The following YAF2 variants were observed in gnomAD, a reference collection of about 807,000 sequenced individuals.
YAF2 encodes the protein YY1-associated factor 2.
In YAF2, 7 loss-of-function variants were observed where a neutral mutation model predicts 20.1. The ratio of observed to expected loss-of-function variants is 0.35; its 90% CI spans 0.20 to 0.65. YAF2 has a LOEUF of 0.65. Ranked by LOEUF, YAF2 falls within the 30% of genes least tolerant of loss-of-function variation. YAF2 has a pLI of 0.69. For missense variants in YAF2, 151 were observed against 219.2 expected (o/e 0.69, Z 1.96); for synonymous variants, 74 against 76.0 (o/e 0.97, Z 0.14).
chr12:42,208,980 TAGAAATAGAAC>T (rs2067129307), intron 2 of YAF2, among the ~76,000 whole-genome samples: 1 of 152,268 alleles, frequency 6.6e-6, no homozygotes, highest in East Asian at 1.9e-4. Context: ...AATGCCTTTT[TAGAAATAGAAC>T]CTAGTAATAA....
chr12:42,196,582 AATAAG>A (rs1188683623), intron 2 of YAF2, among the ~76,000 whole-genome samples: 1 of 152,222 alleles, frequency 6.6e-6, no homozygotes, highest in Non-Finnish European at 1.5e-5. Flanking sequence ...ACAGAGACTA[AATAAG>A]TAATAAAAAG....
intron 2 of YAF2, chr12:42,212,322 T>G: frequency 4.5e-6 from 1 of 222,096 alleles, no homozygotes; most frequent in Non-Finnish European, 9.2e-6. Flanking sequence ...TCAATATATA[T>G]TCATCATATT....
chr12:42,216,040 A>AT (rs1442100252), intron 2 of YAF2, among the ~76,000 whole-genome samples: 7 of 152,202 alleles, frequency 4.6e-5, no homozygotes, highest in East Asian at 3.9e-4. Context: ...ATGTTTTGGG[A>AT]TTTTTTGTTG....
At chr12:42,215,480 G>A (rs1201136060) in intron 2 of YAF2, among the ~76,000 whole-genome samples, 6 of 152,178 alleles carry the variant, frequency 3.9e-5, no homozygotes, top group Non-Finnish European at 8.8e-5. Context: ...AACAAATGAA[G>A]TTTTAAAATA....
At chr12:42,200,744 TGAACTTTTCC>T (rs1311440238) in intron 2 of YAF2, among the ~76,000 whole-genome samples, 2 of 152,176 alleles carry the variant, frequency 1.3e-5, no homozygotes, top group East Asian at 3.9e-4. Flanking sequence ...CATTCTGAAA[TGAACTTTTCC>T]TTATATTTAT....
rs1470748960 is a variant in YAF2 at position 42,237,590 on chromosome 12, G to A, written c.152+9C>T. On this transcript the variant is annotated intron_variant, in intron 2 of 3. Transcript: ENST00000534854. ...GGCCGGCGGCGCGAGGGGCAGGCCC[G>A]GGACTCACCGGGTGGAGGTGCCCTT... 4 of 1,530,416 alleles carry A rather than the reference G, an allele frequency of 2.6e-6. No homozygotes were observed. The highest frequency in any genetic ancestry group is 3.5e-6 in the Non-Finnish European group (4 of 1,137,560). The allele number at this position is 1,530,416 out of a possible 1,614,324, so 94.8% of individuals were successfully genotyped here. A position where few individuals can be genotyped will look rare whatever the true frequency, so the allele number is the denominator to read the frequency against.
chr12:42,234,150 G>A lies in YAF2; in HGVS notation c.152+3449C>T, dbSNP rs1251924973. The A allele has an allele frequency of 2.4e-5, 23 of 942,512 alleles. No homozygotes were observed. In the South Asian group the frequency reaches 5.4e-4, roughly 22 times the overall value. The allele number at this position is 942,512 out of a possible 1,614,324, so 58.4% of individuals were successfully genotyped here. On this transcript the variant is annotated intron_variant, in intron 2 of 3. Transcript: ENST00000534854. The stretch of plus-strand genomic sequence containing the variant: ...CACGCCACTGTACTCCAGCCTGGGC[G>A]ACAGAGCAAGACTGTCTCAAATTCT...
chr12:42,179,938 A>G (rs949300299), intron 2 of YAF2, among the ~76,000 whole-genome samples: 2 of 152,208 alleles, frequency 1.3e-5, no homozygotes, highest in African/African-American at 2.4e-5. Flanking sequence ...TTTAGCTAAA[A>G]TAAGTCTTTT....
intron 2 of YAF2, among the ~76,000 whole-genome samples, chr12:42,228,776 C>A (rs1485456941): frequency 8.0e-5 from 4 of 49,694 alleles, no homozygotes; most frequent in Non-Finnish European, 1.0e-4. Flanking sequence ...CCGCCCCGTC[C>A]GGGAGGGAGG....
chr12:42,236,295 A>G (rs1039298773), intron 2 of YAF2, among the ~76,000 whole-genome samples: 1 of 152,258 alleles, frequency 6.6e-6, no homozygotes, highest in African/African-American at 2.4e-5. Context: ...CACGGGTCCA[A>G]AAATAGTAAC....
chr12:42,170,240 T>C (rs2066013044), intron 2 of YAF2, among the ~76,000 whole-genome samples: 1 of 152,190 alleles, frequency 6.6e-6, no homozygotes, highest in Admixed American at 6.5e-5. Context: ...TGCAAGCTCC[T>C]GAAGGATTGT....
rs141305278 is a variant in YAF2 at position 42,157,779 on chromosome 12, C to CATATATATATAT, written c.*2798_*2809dup. The CATATATATATAT allele has an allele frequency of 2.0e-5, 3 of 149,870 alleles. No individual in the cohort carries two copies. Among genetic ancestry groups the CATATATATATAT allele is most frequent in the African/African-American group, 7.4e-5 (3 of 40,754 alleles). 9.3% of individuals were successfully genotyped at this position (149,870 alleles called of 1,614,324 possible). A position where few individuals can be genotyped will look rare whatever the true frequency, so the allele number is the denominator to read the frequency against. On this transcript the variant is annotated 3_prime_UTR_variant, in exon 4 of 4. Transcript: ENST00000534854. The stretch of plus-strand genomic sequence containing the variant: ...AAATTATATTCACTTTTTAAATATA[C>CATATATATATAT]ATATATATATATATGTATATTCAAA...
At chr12:42,208,728 C>T (rs2067122366) in intron 2 of YAF2, among the ~76,000 whole-genome samples, 2 of 152,108 alleles carry the variant, frequency 1.3e-5, no homozygotes, top group African/African-American at 4.8e-5. Context: ...TAAGACTTGC[C>T]TCAACTCTAA....
In YAF2 at chr12:42,161,602, T is replaced by C. The variant is rs111382074; in HGVS notation, c.305+11A>G. On this transcript the variant is annotated intron_variant, in intron 3 of 3. Coordinates refer to ENST00000534854, the MANE Select transcript of YAF2 (RefSeq NM_005748.6). ...ATTTCAAAAATGTCATAAAACACTC[T>C]TCACATTTACCTGGTTTTCTTATGG... 4 of 1,570,558 alleles carry C rather than the reference T, an allele frequency of 2.5e-6. No homozygotes were observed. In the East Asian group the frequency reaches 6.8e-5, roughly 27 times the overall value.
At chr12:42,227,851 G>A (rs2067789097) in intron 2 of YAF2, among the ~76,000 whole-genome samples, 1 of 137,060 alleles carries the variant, frequency 7.3e-6, no homozygotes, top group African/African-American at 2.8e-5. Context: ...AGGTGGGGGG[G>A]TCAGCCCCCC....
chr12:42,229,806 C>T (rs1199652902), intron 2 of YAF2, among the ~76,000 whole-genome samples: 1 of 152,150 alleles, frequency 6.6e-6, no homozygotes, highest in African/African-American at 2.4e-5. Flanking sequence ...GTATTTGTAT[C>T]TAAACATAGA....
intron 2 of YAF2, chr12:42,235,112 C>A (rs1231448952): frequency 3.0e-6 from 3 of 985,742 alleles, no homozygotes; most frequent in African/African-American, 1.7e-5. Context: ...TAACATTTGG[C>A]AATGAGGCAG....
At chr12:42,204,281 A>G (rs940752894) in intron 2 of YAF2, among the ~76,000 whole-genome samples, 1 of 152,158 alleles carries the variant, frequency 6.6e-6, no homozygotes, top group Non-Finnish European at 1.5e-5. Context: ...GTATCACACG[A>G]CCCAGCAATT....
At chr12:42,191,745 C>A (rs1422427289) in intron 2 of YAF2, among the ~76,000 whole-genome samples, 1 of 152,122 alleles carries the variant, frequency 6.6e-6, no homozygotes, top group Non-Finnish European at 1.5e-5. Flanking sequence ...TTTCCCCACC[C>A]TGCCCAATAC....
Sources: allele counts gnomAD v4.1 joint callset (sites outside exome capture counted in the v4.1 genomes callset), GRCh38; gene constraint gnomAD v4.1.1; transcripts MANE v1.5; gene names NCBI Gene and HGNC (gene_info 2026-07-23, HGNC 2026-07-21).